Variants in USP54 observed in about 807,000 individuals in gnomAD.
The protein encoded by USP54 is ubiquitin specific peptidase 54, also known as ubiquitin carboxyl-terminal hydrolase 54.
In USP54, 87 loss-of-function variants were observed where a neutral mutation model predicts 170.5. That is an observed-to-expected ratio of 0.51 (90% CI 0.43 to 0.61). The LOEUF is 0.61. USP54 is among the 20% of genes least tolerant of loss of function. The pLI is 0.00. For synonymous variants in USP54, 655 were observed against 742.8 expected, an observed-to-expected ratio of 0.88 and a Z score of 1.92; for missense variants, 1,786 against 2,047.8, an observed-to-expected ratio of 0.87 and a Z score of 2.47.
chr10:73,588,711 C>T lies in USP54; in HGVS notation c.-582+2567G>A, dbSNP rs142040274. 2.7e-3 allele frequency among the ~76,000 whole-genome samples: 409 copies of T among 152,326 alleles called. 1 individual carries two copies. Among genetic ancestry groups the T allele is most frequent in the Middle Eastern group, 0.017 (5 of 294 alleles). On this transcript the variant is annotated intron_variant, in intron 1 of 23. Coordinates refer to ENST00000687698, the MANE Select transcript of USP54 (RefSeq NM_001391956.1). ...AGCCAAAACTCTGGCTTTGAATGGC[C>T]TTCCACAATCTTATCCCCTGCACAT...
intron 4 of USP54, among the ~76,000 whole-genome samples, chr10:73,551,000 G>A (rs1048095896): frequency 5.3e-5 from 8 of 152,146 alleles, no homozygotes; most frequent in Non-Finnish European, 8.8e-5. Flanking sequence ...AGCTACTGCG[G>A]AGGCTGAGGC....
At position 73,521,010 on chromosome 10, in the gene USP54, C is replaced by T. The variant is rs758307474; in HGVS notation, c.2380G>A (p.Glu794Lys). ...LQNQGRSDGF[E>K]RSLQEAESVF... ...GACTCTGCCTCTTGCAGGGACCTCT[C>T]AAAGCCGTCACTCCTCCCTGAAAGG... The change falls in exon 18 of 24, where the codon GAG (glutamate) becomes AAG (lysine). Residue 794 changes from glutamate to lysine, a missense_variant. Physicochemically the swap from Glu to Lys is moderately conservative, Grantham distance 56 (BLOSUM62 1). Around this residue, in one of 3 missense-constraint regions of USP54, gnomAD observed 1,418 missense variants for 1,569.0 expected, o/e 0.90. Coordinates refer to ENST00000687698, the MANE Select transcript of USP54 (RefSeq NM_001391956.1). 11 of 1,614,012 alleles carry T rather than the reference C, an allele frequency of 6.8e-6. No homozygotes were observed. In the East Asian group the frequency reaches 2.5e-4, roughly 36 times the overall value.
intron 1 of USP54, among the ~76,000 whole-genome samples, chr10:73,603,396 GATAAGGGGCTAATATCCACAATAT>G: frequency 6.6e-6 from 1 of 152,248 alleles, no homozygotes; most frequent in South Asian, 2.1e-4. Context: ...TCATTATTCT[GATAAGGGGCTAATATCCACAATAT>G]ATAAAGACCT....
chr10:73,554,670 C>G (rs1045244624), intron 4 of USP54, among the ~76,000 whole-genome samples: 1 of 152,198 alleles, frequency 6.6e-6, no homozygotes, highest in African/African-American at 2.4e-5. Flanking sequence ...ATTTATCATT[C>G]AACTTCAACA....
chr10:73,620,991 A>G (rs1357319442), intron 1 of USP54, among the ~76,000 whole-genome samples: 1 of 149,840 alleles, frequency 6.7e-6, no homozygotes, highest in Non-Finnish European at 1.5e-5. Context: ...CCCCGTCTCT[A>G]CTAAAAATAC....
intron 4 of USP54, among the ~76,000 whole-genome samples, chr10:73,560,499 C>CAAAA (rs1261424584): frequency 8.1e-6 from 1 of 124,004 alleles, no homozygotes; most frequent in Non-Finnish European, 1.7e-5. Context: ...ACTAAAAATA[C>CAAAA]AAAAAAAAAA....
chr10:73,620,221 G>A (rs545620917), intron 1 of USP54, among the ~76,000 whole-genome samples: 3 of 149,730 alleles, frequency 2.0e-5, no homozygotes, highest in Non-Finnish European at 4.4e-5. Flanking sequence ...GCTGAGACAG[G>A]AGAATTGCTT....
chr10:73,544,562 T>C (rs2133546864), intron 5 of USP54, among the ~76,000 whole-genome samples: 1 of 152,334 alleles, frequency 6.6e-6, no homozygotes, highest in South Asian at 2.1e-4. Context: ...TCTAGCTTTT[T>C]AAGAAACTGC....
intron 23 of USP54, 150 bp from the exon 24 acceptor site, chr10:73,499,338 C>T: frequency 1.2e-6 from 1 of 832,894 alleles, no homozygotes; most frequent in Non-Finnish European, 1.8e-6. Context: ...GCTTTTGATT[C>T]CATTTCTTAA....
intron 4 of USP54, among the ~76,000 whole-genome samples, chr10:73,555,568 A>C (rs1169360954): frequency 6.6e-6 from 1 of 152,224 alleles, no homozygotes; most frequent in Non-Finnish European, 1.5e-5. Flanking sequence ...AGATGGGCCA[A>C]ATTCGCCACA....
intron 20 of USP54, among the ~76,000 whole-genome samples, chr10:73,512,687 G>A (rs1313064027): frequency 3.3e-5 from 5 of 151,848 alleles, no homozygotes; most frequent in Non-Finnish European, 7.4e-5. Context: ...TGCTCCGCTT[G>A]ATTTGATAAA....
chr10:73,578,941 C>T (rs1370669354), intron 1 of USP54, among the ~76,000 whole-genome samples: 1 of 145,186 alleles, frequency 6.9e-6, no homozygotes, highest in African/African-American at 2.6e-5. Context: ...GGCAAAGATT[C>T]CTTTTTTTTT....
At chr10:73,602,322 G>A (rs772341916) in intron 1 of USP54, among the ~76,000 whole-genome samples, 1 of 152,064 alleles carries the variant, frequency 6.6e-6, no homozygotes, top group Non-Finnish European at 1.5e-5. Flanking sequence ...GGAGGCCGAG[G>A]TGGGCAGATC....
chr10:73,624,190 A>T (rs867512526), intron 1 of USP54, among the ~76,000 whole-genome samples: 3,889 of 114,712 alleles, frequency 0.034, 157 homozygotes, highest in East Asian at 0.14. Flanking sequence ...ATATATATAT[A>T]TATATGTATT....
intron 4 of USP54, among the ~76,000 whole-genome samples, chr10:73,569,127 A>G (rs1589175592): frequency 1.3e-5 from 2 of 152,148 alleles, no homozygotes; most frequent in South Asian, 4.1e-4. Flanking sequence ...GTTCTTCTAT[A>G]GGGACTTCTC....
At chr10:73,617,315 A>AGGCGGTG (rs2080722503) in intron 1 of USP54, among the ~76,000 whole-genome samples, 3 of 148,792 alleles carry the variant, frequency 2.0e-5, no homozygotes. Flanking sequence ...AAAATTAGCC[A>AGGCGGTG]GGCGGTGGCG....
At chr10:73,575,431 T>C in intron 3 of USP54, 81 bp downstream of exon 3, 1 of 1,410,992 alleles carries the variant, frequency 7.1e-7, no homozygotes, top group Non-Finnish European at 9.3e-7. Flanking sequence ...TATCAAACAT[T>C]TTATTTAAAA....
chr10:73,599,439 T>A (rs564407538), intron 1 of USP54, among the ~76,000 whole-genome samples: 151 of 152,206 alleles, frequency 9.9e-4, no homozygotes, highest in Non-Finnish European at 1.5e-3. Context: ...TATAATTGAA[T>A]TTTCCCAAGA....
intron 1 of USP54, among the ~76,000 whole-genome samples, chr10:73,602,750 G>A (rs551032694): frequency 6.6e-6 from 1 of 151,018 alleles, no homozygotes; most frequent in East Asian, 2.0e-4. Context: ...CAGCTACTTG[G>A]GAGACTGAGA....
Sources: gnomAD v4.1 joint callset for allele counts (sites outside exome capture counted in the v4.1 genomes callset) on GRCh38, gnomAD v4.1.1 for gene constraint, gnomAD v4.1.1 regional missense constraint, MANE v1.5 for transcripts, NCBI Gene and HGNC (gene_info 2026-07-23, HGNC 2026-07-21) for gene names.